PAPLN: variants seen among roughly 807,000 people sequenced by gnomAD.
The protein encoded by PAPLN is papilin.
In PAPLN, 146 loss-of-function variants were observed where a neutral mutation model predicts 159.0. The observed-to-expected ratio is 0.92, with a 90% CI of 0.80 to 1.05. The LOEUF (loss-of-function observed/expected upper bound fraction) is 1.05, where lower values mean the gene tolerates loss of function less well. PAPLN is among the 50% of genes least tolerant of loss of function. The pLI is 0.00. For synonymous variants in PAPLN, 734 were observed against 702.9 expected (o/e 1.04, Z -0.70); for missense variants, 1,720 against 1,743.9 (o/e 0.99, Z 0.24).
At chr14:73,251,968 G>A in intron 9 of PAPLN, 50 bp from the exon 10 acceptor site, 1 of 1,576,458 alleles carries the variant, frequency 6.3e-7, no homozygotes, top group Non-Finnish European at 8.6e-7. Context: ...TGCGGAGGGT[G>A]TGGGAGTGCT....
chr14:73,253,953 TG>T lies in PAPLN; in HGVS notation c.1298del (p.Gly433GlufsTer39). 6.2e-7 allele frequency: 1 copy of T among 1,610,434 alleles called. No individual in the cohort carries two copies. On this transcript the variant is annotated frameshift_variant, in exon 12 of 27. Transcript: ENST00000644200. LOFTEE classifies it high-confidence loss of function. The stretch of plus-strand genomic sequence containing the variant: ...CTGTGCAGCCTGGAGCCCGGAGCCC[TG>T]GGGAGAGGTCAGGCCCCTGGCCCGC... The part of the protein sequence containing the change: ...QRCAAWSPEP[W>X]GECSVSCGVG...
chr14:73,253,478 A>T (rs4453408), intron 11 of PAPLN, among the ~76,000 whole-genome samples: 2 of 149,026 alleles, frequency 1.3e-5, no homozygotes, highest in Non-Finnish European at 3.0e-5. Flanking sequence ...GGAGACAGGG[A>T]CCTGGTGGGA....
At chr14:73,260,871 G>T in intron 17 of PAPLN, 42 bp downstream of exon 17, 4 of 1,487,494 alleles carry the variant, frequency 2.7e-6, no homozygotes, top group Non-Finnish European at 3.6e-6. Context: ...GGGCCAGCCC[G>T]TGAGCCTGCT....
intron 2 of PAPLN, chr14:73,244,343 C>T (rs1355336068): frequency 1.6e-5 from 5 of 314,546 alleles, no homozygotes; most frequent in Non-Finnish European, 3.0e-5. Context: ...CTCAAACTGC[C>T]CCTGGCTGTA....
chr14:73,253,371 C>T (rs922758079), intron 11 of PAPLN: 39 of 742,538 alleles, frequency 5.3e-5, no homozygotes, highest in Middle Eastern at 4.6e-4. Flanking sequence ...TCCTTGCACC[C>T]GGGGCCTGGC....
Position 73,263,787 on chromosome 14 carries a change from G to C in PAPLN, c.2861+5G>C. 6.3e-7 allele frequency: 1 copy of C among 1,599,508 alleles called. No homozygotes were observed. The highest frequency in any genetic ancestry group is 1.1e-5 in the South Asian group (1 of 90,664). ...CCAGCCCATCTCCTCTGACAGGTGGGTGAGAGTCCCCCCACCTCCTCTGAC... is the reference window on the plus strand; with the variant it reads ...CCAGCCCATCTCCTCTGACAGGTGGCTGAGAGTCCCCCCACCTCCTCTGAC... On this transcript the variant is annotated splice_donor_5th_base_variant and intron_variant, in intron 20 of 26. Transcript: ENST00000644200.
At chr14:73,269,245 C>T (rs970464815) in intron 26 of PAPLN, among the ~76,000 whole-genome samples, 16 of 151,732 alleles carry the variant, frequency 1.1e-4, no homozygotes, top group African/African-American at 3.4e-4. Context: ...CCGGTCACAC[C>T]GCAAATGTGG....
In PAPLN at chr14:73,272,723, A is replaced by G. The variant is rs1594843651; in HGVS notation, c.*59A>G. On this transcript the variant is annotated 3_prime_UTR_variant, in exon 27 of 27. Coordinates refer to ENST00000644200, the MANE Select transcript of PAPLN (RefSeq NM_001365906.3). ...AGTTCATAGGGCTAGGGAGAAAGGA[A>G]GATGGACTCTTGGCTTCCTCTCTCT... 2.1e-6 allele frequency: 3 copies of G among 1,415,294 alleles called. No individual in the cohort carries two copies. Among genetic ancestry groups the G allele is most frequent in the Admixed American group, 4.8e-5 (2 of 41,602 alleles). 87.7% of individuals were successfully genotyped at this position (1,415,294 alleles called of 1,614,324 possible).
intron 5 of PAPLN, among the ~76,000 whole-genome samples, chr14:73,249,319 A>G (rs988763016): frequency 2.8e-4 from 42 of 152,192 alleles, no homozygotes; most frequent in African/African-American, 9.7e-4. Flanking sequence ...AGTCTTCACA[A>G]TCATCATTTG....
At chr14:73,237,936 C>T (rs1466466812) in intron 1 of PAPLN, among the ~76,000 whole-genome samples, 1 of 152,188 alleles carries the variant, frequency 6.6e-6, no homozygotes, top group Non-Finnish European at 1.5e-5. Flanking sequence ...GTGCGCCCCT[C>T]CCGGGAGGTG....
intron 25 of PAPLN, among the ~76,000 whole-genome samples, chr14:73,267,947 T>C (rs1042493969): frequency 6.6e-6 from 1 of 152,112 alleles, no homozygotes; most frequent in African/African-American, 2.4e-5. Flanking sequence ...ATCTCCCTAC[T>C]CACTTCTCAG....
intron 2 of PAPLN, among the ~76,000 whole-genome samples, chr14:73,241,512 C>T (rs982506727): frequency 1.3e-5 from 2 of 152,228 alleles, no homozygotes; most frequent in Non-Finnish European, 1.5e-5. Flanking sequence ...TCCAAAGCGC[C>T]CTTGGTTCTC....
intron 1 of PAPLN, among the ~76,000 whole-genome samples, chr14:73,238,164 C>G (rs897567986): frequency 9.9e-5 from 15 of 152,218 alleles, no homozygotes; most frequent in Non-Finnish European, 2.1e-4. Flanking sequence ...CTGCGGCGGT[C>G]CCGGAGTCGG....
In PAPLN at chr14:73,273,852, T is replaced by A. The variant is rs1389930385; in HGVS notation, c.*1188T>A. On this transcript the variant is annotated 3_prime_UTR_variant, in exon 27 of 27. Transcript: ENST00000644200. ...ACCCTTGTTGGCAAAATGGAATAGA[T>A]GTTAAGACCTCAAATAGGGATTTGG... 2 of 152,190 alleles carry A rather than the reference T, an allele frequency of 1.3e-5. No homozygotes were observed. Among genetic ancestry groups the A allele is most frequent in the Non-Finnish European group, 2.9e-5 (2 of 68,034 alleles). 9.4% of individuals were successfully genotyped at this position (152,190 alleles called of 1,614,324 possible). A position where few individuals can be genotyped will look rare whatever the true frequency, so the allele number is the denominator to read the frequency against.
Position 73,254,956 on chromosome 14 carries a change from T to C in PAPLN, c.1565T>C (p.Leu522Pro). The change falls in exon 14 of 27, where the codon CTG becomes CCG. Residue 522 changes from leucine (L) to proline (P), a missense_variant. Leu to Pro is a moderately conservative substitution (Grantham distance 98). Coordinates refer to ENST00000644200, the MANE Select transcript of PAPLN (RefSeq NM_001365906.3). ...AIGPPSHCGS[L>P]QHSKPVDVEP... ...GGGCCGCCCAGCCACTGCGGGAGCC[T>C]GCAGCACTCCAAGCCTGTGGATGTG... is the stretch of plus-strand genomic sequence containing the variant. The C allele has an allele frequency of 1.2e-6, 2 of 1,613,706 alleles. No individual in the cohort carries two copies. Among genetic ancestry groups the C allele is most frequent in the Non-Finnish European group, 1.7e-6 (2 of 1,179,982 alleles).
At position 73,252,530 on chromosome 14, in the gene PAPLN, G is replaced by T; in HGVS notation, c.968-119G>T. ...ATGTGGTGGCACCTGCCTCGGGGGG[G>T]TCATCTAAGACTGAATGGGGATGAC... is the stretch of plus-strand genomic sequence containing the variant. On this transcript the variant is annotated intron_variant, in intron 10 of 26. Transcript: ENST00000644200. 3 of 1,336,286 alleles carry T rather than the reference G, an allele frequency of 2.2e-6. No homozygotes were observed. In the South Asian group the frequency reaches 4.6e-5, roughly 21 times the overall value. 82.8% of individuals were successfully genotyped at this position (1,336,286 alleles called of 1,614,324 possible).
chr14:73,248,075 CTGTGTGTGTGTGTGTG>C (rs71112722), intron 5 of PAPLN, among the ~76,000 whole-genome samples: 6,428 of 45,510 alleles, frequency 0.14, 654 homozygotes, highest in East Asian at 0.52. Flanking sequence ...CTCATATCCT[CTGTGTGTGTGTGTGTG>C]TGTGTGTGTG....
At position 73,258,980 on chromosome 14, in the gene PAPLN, G is replaced by A. The variant is rs1242225465; in HGVS notation, c.1629G>A (p.Glu543=). 1 of 1,609,758 alleles carries A rather than the reference G, an allele frequency of 6.2e-7. No individual in the cohort carries two copies. Among genetic ancestry groups the A allele is most frequent in the Non-Finnish European group, 8.5e-7 (1 of 1,178,052 alleles). ...CATGGACCTCCCGGCTCCCTGCAGA[G>A]GTCCCCAGCATGCAGGATGTGCACA... is the stretch of plus-strand genomic sequence containing the variant. ...CNTQPCHLPQ[E]VPSMQDVHTP... Residue 543 remains glutamate, a splice_region_variant and synonymous_variant, in exon 15 of 27, where the codon GAG becomes GAA. Coordinates refer to ENST00000644200, the MANE Select transcript of PAPLN (RefSeq NM_001365906.3).
At chr14:73,266,894 C>T (rs1483847563) in intron 25 of PAPLN, 63 bp downstream of exon 25, 1 of 1,454,652 alleles carries the variant, frequency 6.9e-7, no homozygotes, top group African/African-American at 1.4e-5. Context: ...TGTGGGTGTC[C>T]ACCTTTCTGC....
Sources: gnomAD v4.1 joint callset for allele counts (sites outside exome capture counted in the v4.1 genomes callset) on GRCh38, gnomAD v4.1.1 for gene constraint, MANE v1.5 for transcripts, NCBI Gene and HGNC (gene_info 2026-07-23, HGNC 2026-07-21) for gene names.